The following NIPAL1 variants were observed in gnomAD, a reference collection of about 807,000 sequenced individuals.
NIPAL1 encodes the protein magnesium transporter NIPA3.
A neutral mutation model predicts 37.7 loss-of-function variants in NIPAL1; 35 were observed. That is an observed-to-expected ratio of 0.93 (90% CI 0.71 to 1.23). The LOEUF is 1.23. Among genes scored for constraint, NIPAL1 ranks in the 50% most tolerant of loss-of-function variants. NIPAL1 has a pLI of 0.00. For missense variants in NIPAL1, 412 were observed against 473.9 expected (o/e 0.87, Z 1.21); for synonymous variants, 162 against 183.0 (o/e 0.89, Z 0.93).
rs1715726265 is a variant in NIPAL1 at position 48,027,887 on chromosome 4, T to TA, written c.314-2232dup. ...ACTAATCCAAACTCTCAAAAGCTCT[T>TA]ATGTCAACCATCTTCTTCCCTTTAC... On this transcript the variant is annotated intron_variant, in intron 2 of 5. Coordinates refer to ENST00000295461, the MANE Select transcript of NIPAL1 (RefSeq NM_207330.3). The surrounding 1 kb of genome is among the most constrained non-coding windows in gnomAD (Gnocchi z 4.1). 1.3e-5 allele frequency among the ~76,000 whole-genome samples: 2 copies of TA among 152,356 alleles called. No homozygotes were observed. The highest frequency in any genetic ancestry group is 4.1e-4 in the South Asian group (2 of 4,832).
At chr4:48,030,200 C>T in intron 3 of NIPAL1, 24 bp downstream of exon 3, 1 of 1,409,758 alleles carries the variant, frequency 7.1e-7, no homozygotes, top group South Asian at 1.2e-5. Flanking sequence ...ACTGAGAATA[C>T]TGTTTATTTG....
Position 48,028,623 on chromosome 4 carries a change from G to C in NIPAL1, c.314-1497G>C, listed in dbSNP as rs373290224. 6.6e-5 allele frequency among the ~76,000 whole-genome samples: 10 copies of C among 151,984 alleles called. No individual in the cohort carries two copies. The East Asian group carries it at 1.7e-3, about 26-fold the overall frequency. ...GCAGAGCAAGAAAAATAATCAACAG[G>C]GTGAAAAGACAGCCTGCAGAATAGG... On this transcript the variant is annotated intron_variant, in intron 2 of 5. Transcript: ENST00000295461.
rs970040371 is a variant in NIPAL1 at position 48,016,971 on chromosome 4, GA to G, written c.46+89del. ...GGTCCCCGGACACTTGCGGAGACTG[GA>G]AAGGGGGGCTGTACCGACTCTAAAC... On this transcript the variant is annotated intron_variant, in intron 1 of 5. Transcript: ENST00000295461. 29 of 1,141,204 alleles carry G rather than the reference GA, an allele frequency of 2.5e-5. No homozygotes were observed. In the African/African-American group the frequency reaches 4.1e-4, roughly 16 times the overall value. The allele number at this position is 1,141,204 out of a possible 1,614,324, so 70.7% of individuals were successfully genotyped here.
In NIPAL1 at chr4:48,033,073, G is replaced by A. The variant is rs960885869; in HGVS notation, c.451G>A (p.Val151Ile). 14 of 1,610,722 alleles carry A rather than the reference G, an allele frequency of 8.7e-6. No homozygotes were observed. The highest frequency in any genetic ancestry group is 1.1e-5 in the Non-Finnish European group (13 of 1,177,162). ...GGTCACCCCTCTGGGTGCTTTGAGT[G>A]TTCTCATAAGGTATGTGAGCAACAG... The part of the protein sequence containing the change: ...TLVTPLGALS[V>I]LISAILSSYF... Residue 151 changes from valine to isoleucine, a missense_variant, in exon 4 of 6, where the codon GTT (valine) becomes ATT (isoleucine). Coordinates refer to ENST00000295461, the MANE Select transcript of NIPAL1 (RefSeq NM_207330.3).
At position 48,032,292 on chromosome 4, in the gene NIPAL1, A is replaced by G. The variant is rs184006761; in HGVS notation, c.371-701A>G. Among the ~76,000 whole-genome samples, 60 of 152,314 alleles carry G rather than the reference A, an allele frequency of 3.9e-4. No individual in the cohort carries two copies. The East Asian group carries it at 4.4e-3, about 11-fold the overall frequency. ...CAAGTTTCCCACTGTGTTCTGTGAGAATAACTTGGCCCCAGTACCAGAGCC... is the reference window on the plus strand; with the variant it reads ...CAAGTTTCCCACTGTGTTCTGTGAGGATAACTTGGCCCCAGTACCAGAGCC... On this transcript the variant is annotated intron_variant, in intron 3 of 5. Coordinates refer to ENST00000295461, the MANE Select transcript of NIPAL1 (RefSeq NM_207330.3).
At chr4:48,025,393 C>T in intron 2 of NIPAL1, 59 bp downstream of exon 2, 1 of 1,476,902 alleles carries the variant, frequency 6.8e-7, no homozygotes, top group Admixed American at 1.8e-5. Flanking sequence ...GATGTGAGGC[C>T]ACATCTCAGC....
At chr4:48,028,078 G>A (rs1237118235) in intron 2 of NIPAL1, among the ~76,000 whole-genome samples, 2 of 152,066 alleles carry the variant, frequency 1.3e-5, no homozygotes, top group African/African-American at 2.4e-5. Context: ...ATGATTTGTG[G>A]AAAAACAAAG....
chr4:48,022,054 G>A (rs1715583855), intron 1 of NIPAL1, among the ~76,000 whole-genome samples: 1 of 152,138 alleles, frequency 6.6e-6, no homozygotes, highest in South Asian at 2.1e-4. Flanking sequence ...GAAGCATAAT[G>A]AATGGAGTAG....
At position 48,025,164 on chromosome 4, in the gene NIPAL1, A is replaced by G. The variant is rs1460687769; in HGVS notation, c.143A>G (p.Asp48Gly). The G allele has an allele frequency of 6.2e-7, 1 of 1,614,208 alleles. No individual in the cohort carries two copies. The highest frequency in any genetic ancestry group is 2.2e-5 in the East Asian group (1 of 44,890). ...QLLASPVLYTDLNYSINNLSI... is the reference protein window; with the variant it reads ...QLLASPVLYTGLNYSINNLSI... ...CTGGCTTCTCCTGTGCTCTACACGG[A>G]CCTGAATTACAGCATAAACAACTTG... The change falls in exon 2 of 6, where the codon GAC (aspartate) becomes GGC (glycine). Residue 48 changes from aspartate to glycine, a missense_variant. By Grantham distance (94) the Asp-to-Gly change is moderately conservative. Transcript: ENST00000295461.
rs1000223851 is a variant in NIPAL1, at chr4:48,035,978, A to G, written c.1039A>G (p.Ile347Val). 18 of 1,613,440 alleles carry G rather than the reference A, an allele frequency of 1.1e-5. No individual in the cohort carries two copies. Among genetic ancestry groups the G allele is most frequent in the Non-Finnish European group, 1.4e-5 (17 of 1,179,554 alleles). The change falls in exon 6 of 6, where the codon ATT becomes GTT. Residue 347 changes from isoleucine to valine, a missense_variant. Transcript: ENST00000295461. ...IIGTLSGFFT[I>V]IIGIFLLHAF... ...TGGGACCCTGAGTGGATTCTTCACTATTATCATTGGCATCTTCCTTCTACA... is the reference window on the plus strand; with the variant it reads ...TGGGACCCTGAGTGGATTCTTCACTGTTATCATTGGCATCTTCCTTCTACA...
chr4:48,028,936 A>G (rs890950957), intron 2 of NIPAL1, among the ~76,000 whole-genome samples: 2 of 152,196 alleles, frequency 1.3e-5, no homozygotes, highest in African/African-American at 4.8e-5. Context: ...ACAAGAATGC[A>G]GAGAAAAGGG....
chr4:48,016,997 C>T (rs938382332), intron 1 of NIPAL1, 112 bp downstream of exon 1: 3 of 849,176 alleles, frequency 3.5e-6, no homozygotes, highest in Admixed American at 2.7e-5. Context: ...CGACTCTAAA[C>T]GTAGTCGTTC....
chr4:48,036,115 G>A lies in NIPAL1; in HGVS notation c.1176G>A (p.Glu392=). 8.7e-6 allele frequency: 14 copies of A among 1,610,784 alleles called. No homozygotes were observed. Among genetic ancestry groups the A allele is most frequent in the Non-Finnish European group, 1.2e-5 (14 of 1,179,128 alleles). The change falls in exon 6 of 6, where the codon GAG becomes GAA. Residue 392 remains glutamate (E), a synonymous_variant. Transcript: ENST00000295461. The part of the protein sequence containing the change: ...ENNYVLLENL[E]CSAPGYNDDV... Reference sequence around the variant, plus strand: ...ATTATGTTTTACTAGAGAACTTGGAGTGTTCAGCCCCAGGATACAATGATG... The same window carrying A: ...ATTATGTTTTACTAGAGAACTTGGAATGTTCAGCCCCAGGATACAATGATG...
chr4:48,035,489 G>A (rs752334175), intron 5 of NIPAL1, 73 bp from the exon 6 acceptor site: 144 of 1,399,032 alleles, frequency 1.0e-4, no homozygotes, highest in Non-Finnish European at 1.4e-4. Context: ...TTAAACTCAT[G>A]ACTAACAAGA....
chr4:48,035,563 G>A lies in NIPAL1; in HGVS notation c.624G>A (p.Gly208=). The change falls in exon 6 of 6, where the codon GGG becomes GGA. Residue 208 remains glycine (G), a splice_region_variant and synonymous_variant. Coordinates refer to ENST00000295461, the MANE Select transcript of NIPAL1 (RefSeq NM_207330.3). ...HEMEMKLRDP[G]FISFAVIITV... The stretch of plus-strand genomic sequence containing the variant: ...CAAATTCTTTTCTCCTTCTAACAGG[G>A]TTTATTTCCTTTGCTGTGATCATAA... 1 of 1,600,024 alleles carries A rather than the reference G, an allele frequency of 6.2e-7. No individual in the cohort carries two copies. The highest frequency in any genetic ancestry group is 8.5e-7 in the Non-Finnish European group (1 of 1,177,192).
At chr4:48,022,022 A>C (rs1715583061) in intron 1 of NIPAL1, among the ~76,000 whole-genome samples, 1 of 152,318 alleles carries the variant, frequency 6.6e-6, no homozygotes, top group Middle Eastern at 3.4e-3. Flanking sequence ...TTAGAGGACT[A>C]TTGATAGTGT....
At chr4:48,040,170 TATGC>T (rs746284163) in exon 6 of NIPAL1, 3 of 152,362 alleles carry the variant, frequency 2.0e-5, no homozygotes, top group South Asian at 6.2e-4. Context: ...GTTATTTAAT[TATGC>T]TTTTGAGTTC....
intron 2 of NIPAL1, among the ~76,000 whole-genome samples, chr4:48,029,615 T>A (rs1402265535): frequency 6.6e-6 from 1 of 152,116 alleles, no homozygotes; most frequent in African/African-American, 2.4e-5. Flanking sequence ...TCCTGATTCA[T>A]GAAAGAATAA....
chr4:48,027,260 A>G lies in NIPAL1; in HGVS notation c.313+1926A>G, dbSNP rs1715714417. 6.6e-6 allele frequency among the ~76,000 whole-genome samples: 1 copy of G among 152,206 alleles called. No individual in the cohort carries two copies. On this transcript the variant is annotated intron_variant, in intron 2 of 5. Transcript: ENST00000295461. The surrounding 1 kb of genome is among the most constrained non-coding windows in gnomAD (Gnocchi z 4.1). Reference sequence around the variant, plus strand: ...TAAGTAAAAAGGTTAGTACCCTAACAGAAAATAGACATGGCATATAAACAA... The same window carrying G: ...TAAGTAAAAAGGTTAGTACCCTAACGGAAAATAGACATGGCATATAAACAA...
Sources: allele counts gnomAD v4.1 joint callset (sites outside exome capture counted in the v4.1 genomes callset), GRCh38; gene constraint gnomAD v4.1.1; non-coding constraint Gnocchi (gnomAD v3.1); transcripts MANE v1.5; gene names NCBI Gene and HGNC (gene_info 2026-07-23, HGNC 2026-07-21).